Variants in ZBTB40 observed in about 807,000 individuals in gnomAD.
ZBTB40 encodes the protein zinc finger and BTB domain-containing protein 40.
Under a neutral mutation model 117.5 loss-of-function variants are expected in ZBTB40, and 60 were observed. The observed-to-expected ratio is 0.51, with a 90% confidence interval of 0.41 to 0.63. The LOEUF is 0.63. Among genes scored for constraint, ZBTB40 ranks in the 30% least tolerant of loss-of-function variants. ZBTB40 has a pLI of 0.00. For missense variants in ZBTB40, 1,287 were observed against 1,498.5 expected (o/e 0.86, Z 2.33); for synonymous variants, 525 against 577.1 (o/e 0.91, Z 1.29).
At chr1:22,512,834 G>T in intron 11 of ZBTB40, 90 bp from the exon 12 acceptor site, 1 of 1,465,654 alleles carries the variant, frequency 6.8e-7, no homozygotes, top group Non-Finnish European at 9.5e-7. Flanking sequence ...GGAGGCCTGG[G>T]CTGAGACAGT....
intron 5 of ZBTB40, among the ~76,000 whole-genome samples, chr1:22,505,213 T>A (rs908408414): frequency 6.6e-6 from 1 of 152,242 alleles, no homozygotes; most frequent in African/African-American, 2.4e-5. Flanking sequence ...GTAGATTACA[T>A]GTATTGAAAT....
At chr1:22,498,460 G>A (rs1021540388) in intron 3 of ZBTB40, among the ~76,000 whole-genome samples, 1 of 152,212 alleles carries the variant, frequency 6.6e-6, no homozygotes, top group Non-Finnish European at 1.5e-5. Flanking sequence ...CACTGGTGTA[G>A]GTCCCCAGTA....
At position 22,526,493 on chromosome 1, in the gene ZBTB40, G is replaced by T; in HGVS notation, c.*97G>T. ...TCCATCCCTGGCTGTCCTGAGTGGTGAGCATCTTAGCTTAGCACCAACCAA... is the reference window on the plus strand; with the variant it reads ...TCCATCCCTGGCTGTCCTGAGTGGTTAGCATCTTAGCTTAGCACCAACCAA... On this transcript the variant is annotated 3_prime_UTR_variant, in exon 18 of 18. Transcript: ENST00000375647. The T allele has an allele frequency of 6.7e-7, 1 of 1,493,892 alleles. No individual in the cohort carries two copies. Among genetic ancestry groups the T allele is most frequent in the South Asian group, 1.1e-5 (1 of 87,240 alleles). 92.5% of individuals were successfully genotyped at this position (1,493,892 alleles called of 1,614,324 possible).
chr1:22,461,086 A>C (rs946742583), intron 1 of ZBTB40, among the ~76,000 whole-genome samples: 1 of 152,236 alleles, frequency 6.6e-6, no homozygotes, highest in African/African-American at 2.4e-5. Flanking sequence ...ATATATTTAA[A>C]TTAAATAACA....
At chr1:22,511,093 C>CT (rs34404742) in intron 9 of ZBTB40, 86 bp from the exon 10 acceptor site, 20,139 of 1,337,956 alleles carry the variant, frequency 0.015, 45 homozygotes, top group African/African-American at 0.058. Flanking sequence ...CTGGGATTAG[C>CT]TTTTTTTTTT....
chr1:22,525,152 G>T (rs1639642326), intron 17 of ZBTB40, among the ~76,000 whole-genome samples: 1 of 152,172 alleles, frequency 6.6e-6, no homozygotes, highest in African/African-American at 2.4e-5. Flanking sequence ...GGGGAAGTCA[G>T]GTAGGCAGGA....
chr1:22,492,988 C>T (rs536121454), intron 3 of ZBTB40, among the ~76,000 whole-genome samples: 37 of 152,272 alleles, frequency 2.4e-4, no homozygotes, highest in African/African-American at 8.9e-4. Flanking sequence ...AGAGGAGTAA[C>T]GTTATTCCTT....
chr1:22,473,520 A>G (rs1012066669), intron 1 of ZBTB40, among the ~76,000 whole-genome samples: 1 of 152,226 alleles, frequency 6.6e-6, no homozygotes, highest in Admixed American at 6.5e-5. Context: ...ATCAGTAGCT[A>G]TTAGTGGTTA....
rs767913519 is a variant in ZBTB40 at position 22,433,432 on chromosome 1, C to CA, written c.-70+4443dup. ...TGGGCGACAGAGCAAGACGCCCTCT[C>CA]AAAAAAAAAAAAAAAAAAAAAAAAA... On this transcript the variant is annotated intron_variant, in intron 1 of 8. Coordinates refer to the ZBTB40 transcript ENST00000650433. Among the ~76,000 whole-genome samples the CA allele has an allele frequency of 7.0e-3, 61 of 8,764 alleles. 8 individuals carry two copies. The highest frequency in any genetic ancestry group is 0.029 in the East Asian group (3 of 102). The allele number at this position is 8,764 out of a possible 152,430, so 5.7% of individuals were successfully genotyped here. A position where few individuals can be genotyped will look rare whatever the true frequency, so the allele number is the denominator to read the frequency against.
chr1:22,457,821 C>T (rs1384830644), intron 1 of ZBTB40, among the ~76,000 whole-genome samples: 10 of 152,282 alleles, frequency 6.6e-5, no homozygotes, highest in Admixed American at 2.6e-4. Context: ...TAATTTCGTC[C>T]TATTTCTCAG....
chr1:22,441,279 T>C (rs1169175237), intron 1 of ZBTB40, among the ~76,000 whole-genome samples: 1 of 152,120 alleles, frequency 6.6e-6, no homozygotes, highest in African/African-American at 2.4e-5. Context: ...TTGTTTGTAG[T>C]ACTCTCTTAT....
intron 1 of ZBTB40, among the ~76,000 whole-genome samples, chr1:22,437,516 G>A (rs770980107): frequency 6.6e-6 from 1 of 151,566 alleles, no homozygotes; most frequent in Non-Finnish European, 1.5e-5. Flanking sequence ...TGCCTCCCAG[G>A]TTCCAGCAAT....
At position 22,508,124 on chromosome 1, in the gene ZBTB40, C is replaced by T. The variant is rs1244690882; in HGVS notation, c.1484C>T (p.Pro495Leu). Residue 495 changes from proline (P) to leucine (L), a missense_variant, in exon 7 of 18, where the codon CCT becomes CTT. Coordinates refer to ENST00000375647, the MANE Select transcript of ZBTB40 (RefSeq NM_014870.4). ...ATCTCACACATGACAAGTTTAGCCC[C>T]TGGAGAAAGAGAGGTAAGAGAGGGA... ...KMISHMTSLA[P>L]GEREVMEKLV... is the part of the protein sequence containing the mutation. 4 of 1,613,690 alleles carry T rather than the reference C, an allele frequency of 2.5e-6. No individual in the cohort carries two copies. In the Admixed American group the frequency reaches 6.7e-5, roughly 27 times the overall value.
At chr1:22,435,290 T>C (rs556936331) in intron 1 of ZBTB40, among the ~76,000 whole-genome samples, 1 of 152,308 alleles carries the variant, frequency 6.6e-6, no homozygotes, top group African/African-American at 2.4e-5. Flanking sequence ...CATGCGCCAT[T>C]GTGCCCAGCT....
In ZBTB40 at chr1:22,522,473, C is replaced by T; in HGVS notation, c.3298+10C>T. The T allele has an allele frequency of 6.2e-7, 1 of 1,613,974 alleles. No individual in the cohort carries two copies. Among genetic ancestry groups the T allele is most frequent in the African/African-American group, 1.3e-5 (1 of 75,040 alleles). Reference sequence around the variant, plus strand: ...AAGTGCCAGCATTCAGGTCAGTACCCCTGTCAGCATACTTCTAGGCTAGAC... The same window carrying T: ...AAGTGCCAGCATTCAGGTCAGTACCTCTGTCAGCATACTTCTAGGCTAGAC... On this transcript the variant is annotated intron_variant, in intron 16 of 17. Transcript: ENST00000375647.
chr1:22,500,308 G>A (rs756471257), intron 3 of ZBTB40, among the ~76,000 whole-genome samples: 11 of 152,102 alleles, frequency 7.2e-5, no homozygotes, highest in East Asian at 1.9e-4. Context: ...TTTTATATGC[G>A]CCCCTGAGAC....
At chr1:22,501,054 T>C (rs1007243086) in intron 3 of ZBTB40, among the ~76,000 whole-genome samples, 1 of 152,216 alleles carries the variant, frequency 6.6e-6, no homozygotes, top group Admixed American at 6.5e-5. Flanking sequence ...ATTAAGTTTA[T>C]TAAAAATTCA....
intron 17 of ZBTB40, among the ~76,000 whole-genome samples, chr1:22,525,002 C>G (rs1639638628): frequency 6.6e-6 from 1 of 152,178 alleles, no homozygotes; most frequent in Non-Finnish European, 1.5e-5. Flanking sequence ...AAATTCAGGT[C>G]CATCCATCGT....
intron 1 of ZBTB40, among the ~76,000 whole-genome samples, chr1:22,465,429 CCCATGGGTGG>C (rs1013023456): frequency 9.9e-5 from 15 of 152,258 alleles, no homozygotes; most frequent in Middle Eastern, 6.8e-3. Flanking sequence ...TGCCAGTTGG[CCCATGGGTGG>C]CCATGGGCGG....
Sources: allele counts gnomAD v4.1 joint callset (sites outside exome capture counted in the v4.1 genomes callset), GRCh38; gene constraint gnomAD v4.1.1; transcripts MANE v1.5; gene names NCBI Gene and HGNC (gene_info 2026-07-23, HGNC 2026-07-21).